The following TTC7A variants were observed in gnomAD, a reference collection of about 807,000 sequenced individuals.
TTC7A encodes tetratricopeptide repeat domain 7A, also known as tetratricopeptide repeat protein 7A.
In TTC7A, 110 loss-of-function variants were observed where a neutral mutation model predicts 103.7. The ratio of observed to expected loss-of-function variants is 1.06; its 90% CI spans 0.91 to 1.24. The LOEUF is 1.24. TTC7A is among the 50% of genes most tolerant of loss of function. The pLI is 0.00. For missense variants in TTC7A, 1,340 were observed against 1,116.3 expected (o/e 1.20, Z -2.86); for synonymous variants, 521 against 467.9 (o/e 1.11, Z -1.47).
chr2:47,020,814 G>A (rs1195180041), intron 11 of TTC7A, among the ~76,000 whole-genome samples: 1 of 152,226 alleles, frequency 6.6e-6, no homozygotes, highest in African/African-American at 2.4e-5. Flanking sequence ...CAGTGGTCAG[G>A]CCCAAGATAC....
At chr2:46,983,060 G>A (rs933692429) in intron 5 of TTC7A, among the ~76,000 whole-genome samples, 2 of 152,234 alleles carry the variant, frequency 1.3e-5, no homozygotes, top group Non-Finnish European at 2.9e-5. Context: ...TATTATTTTT[G>A]TGTAGTCCAC....
chr2:47,031,217 C>A (rs1172248312), intron 15 of TTC7A, among the ~76,000 whole-genome samples: 1 of 152,220 alleles, frequency 6.6e-6, no homozygotes, highest in Non-Finnish European at 1.5e-5. Flanking sequence ...CTTAGGAAAT[C>A]CTAACACAGA....
intron 1 of TTC7A, among the ~76,000 whole-genome samples, chr2:46,916,966 T>A (rs944498879): frequency 6.6e-6 from 1 of 150,998 alleles, no homozygotes; most frequent in Non-Finnish European, 1.5e-5. Flanking sequence ...CTTCTCCCAT[T>A]TCTGTCCATA....
chr2:46,974,502 G>A (rs1246546926), intron 3 of TTC7A: 4 of 365,020 alleles, frequency 1.1e-5, no homozygotes, highest in African/African-American at 8.5e-5. Flanking sequence ...GGAAAGTTCT[G>A]GATCTGGAGC....
chr2:47,060,094 G>C (rs1030270512), intron 18 of TTC7A, among the ~76,000 whole-genome samples: 1 of 152,112 alleles, frequency 6.6e-6, no homozygotes, highest in Non-Finnish European at 1.5e-5. Context: ...AGAGGTCAAG[G>C]CTGCAGTGAG....
chr2:47,000,213 G>C (rs1266785317), intron 8 of TTC7A, among the ~76,000 whole-genome samples: 3 of 151,216 alleles, frequency 2.0e-5, no homozygotes, highest in Non-Finnish European at 4.4e-5. Context: ...AAAATGTTCA[G>C]GTCTGATTGG....
intron 2 of TTC7A, among the ~76,000 whole-genome samples, chr2:46,925,174 T>A (rs1233090038): frequency 6.6e-6 from 1 of 152,214 alleles, no homozygotes. Flanking sequence ...CAGGCTAGAT[T>A]TGAACTTCTG....
intron 15 of TTC7A, among the ~76,000 whole-genome samples, chr2:47,038,646 C>A (rs1681412315): frequency 1.6e-5 from 1 of 62,158 alleles, no homozygotes; most frequent in South Asian, 7.8e-4. Flanking sequence ...CACCCTCCCC[C>A]CACCCACCCC....
chr2:46,941,786 A>T lies in TTC7A; in HGVS notation c.184+61A>T. ...GCGCGCGAAACGCACCGCCTCCTCC[A>T]GGAAGCGCGCCCAGACAGTCCTCGG... On this transcript the variant is annotated intron_variant, in intron 1 of 19. Transcript: ENST00000319190. This position sits in a 1 kb window ranked among gnomAD's most constrained non-coding sequence, Gnocchi z 4.2. 6.5e-7 allele frequency: 1 copy of T among 1,542,904 alleles called. No individual in the cohort carries two copies. Among genetic ancestry groups the T allele is most frequent in the Non-Finnish European group, 8.7e-7 (1 of 1,142,948 alleles).
chr2:46,915,936 A>G (rs1668756394), upstream of TTC7A: 2 of 985,088 alleles, frequency 2.0e-6, no homozygotes, highest in Non-Finnish European at 2.4e-6. Flanking sequence ...TCCACGTGTA[A>G]TCGGCCCGGG....
intron 11 of TTC7A, among the ~76,000 whole-genome samples, chr2:47,014,543 C>T (rs569653509): frequency 6.6e-6 from 1 of 152,292 alleles, no homozygotes; most frequent in East Asian, 1.9e-4. Flanking sequence ...TACAGGGAGG[C>T]CCAGAGTGGG....
At chr2:46,943,888 T>C (rs62140556) in intron 1 of TTC7A, among the ~76,000 whole-genome samples, 5,370 of 152,268 alleles carry the variant, frequency 0.035, 207 homozygotes, top group East Asian at 0.087. Flanking sequence ...CCTACAGAAA[T>C]GAAAAGTACC....
intron 3 of TTC7A, among the ~76,000 whole-genome samples, chr2:46,960,521 C>T (rs1201537503): frequency 6.6e-6 from 1 of 152,194 alleles, no homozygotes. Context: ...ATCACATGTG[C>T]ACCACCCAGG....
At chr2:46,978,615 A>G in intron 4 of TTC7A, 177 bp from the exon 5 acceptor site, 1 of 437,320 alleles carries the variant, frequency 2.3e-6, no homozygotes, top group East Asian at 4.5e-5. Context: ...GGATGGGGAG[A>G]GAATGCTTTA....
At chr2:47,004,670 G>T (rs1677184720) in intron 8 of TTC7A, among the ~76,000 whole-genome samples, 1 of 151,980 alleles carries the variant, frequency 6.6e-6, no homozygotes, top group Non-Finnish European at 1.5e-5. Flanking sequence ...AGGGGAATGA[G>T]CAGGAGAAGG....
chr2:47,020,794 T>G (rs1679206652), intron 11 of TTC7A, among the ~76,000 whole-genome samples: 1 of 152,242 alleles, frequency 6.6e-6, no homozygotes, highest in Non-Finnish European at 1.5e-5. Context: ...ACTGCCCCTC[T>G]TCCTGTGTCC....
intron 1 of TTC7A, 102 bp from the exon 2 acceptor site, chr2:46,950,261 T>C (rs531016503): frequency 4.0e-5 from 48 of 1,205,702 alleles, no homozygotes; most frequent in Non-Finnish European, 5.1e-5. Flanking sequence ...GAGCCATTCA[T>C]GTACTGGGTA....
At chr2:46,944,492 A>T (rs550762379) in intron 1 of TTC7A, among the ~76,000 whole-genome samples, 2 of 145,336 alleles carry the variant, frequency 1.4e-5, no homozygotes, top group Non-Finnish European at 3.0e-5. Flanking sequence ...GGAACCTTCC[A>T]CCTCAGCCTC....
At chr2:47,058,354 C>T (rs895713019) in intron 18 of TTC7A, among the ~76,000 whole-genome samples, 5 of 152,240 alleles carry the variant, frequency 3.3e-5, no homozygotes, top group African/African-American at 4.8e-5. Flanking sequence ...GCAGGCTACT[C>T]GGGTTGCACA....
Sources: allele counts gnomAD v4.1 joint callset (sites outside exome capture counted in the v4.1 genomes callset), GRCh38; gene constraint gnomAD v4.1.1; non-coding constraint Gnocchi (gnomAD v3.1); transcripts MANE v1.5; gene names NCBI Gene and HGNC (gene_info 2026-07-23, HGNC 2026-07-21).